Variants in WWOX observed in about 807,000 individuals in gnomAD.
The protein encoded by WWOX is WW domain-containing oxidoreductase.
WWOX carries 69 observed loss-of-function variants against 46.2 expected under a neutral mutation model. The observed-to-expected ratio is 1.49, with a 90% CI of 1.23 to 1.82. The LOEUF (loss-of-function observed/expected upper bound fraction) is 1.82, where lower values mean the gene tolerates loss of function less well. Ranked by LOEUF, WWOX falls within the 40% of genes most tolerant of loss-of-function variation. The probability of loss-of-function intolerance (pLI) is 0.00; values close to 1 mark genes in which losing one functional copy is unlikely to be tolerated. For missense variants in WWOX, 919 were observed against 542.6 expected (o/e 1.69, Z -6.89); for synonymous variants, 359 against 202.6 (o/e 1.77, Z -6.56).
intron 5 of WWOX, among the ~76,000 whole-genome samples, chr16:78,243,801 C>T (rs930838801): frequency 6.6e-6 from 1 of 152,222 alleles, no homozygotes; most frequent in African/African-American, 2.4e-5. Context: ...CCTGCCTCGG[C>T]CTCCCAAGGT....
intron 8 of WWOX, among the ~76,000 whole-genome samples, chr16:78,594,637 G>A (rs1274844683): frequency 6.6e-6 from 1 of 152,082 alleles, no homozygotes; most frequent in African/African-American, 2.4e-5. Flanking sequence ...GATAGCCCCA[G>A]TGCAGTGGCT....
At chr16:78,118,143 C>G (rs987694460) in intron 4 of WWOX, among the ~76,000 whole-genome samples, 2 of 151,444 alleles carry the variant, frequency 1.3e-5, no homozygotes, top group African/African-American at 4.9e-5. Context: ...CCTTGATAGA[C>G]TTTAGGGTTG....
chr16:78,634,445 T>C (rs1271429867), intron 8 of WWOX, among the ~76,000 whole-genome samples: 1 of 152,116 alleles, frequency 6.6e-6, no homozygotes. Context: ...CAGTGGCTCA[T>C]GCCTGTAATC....
chr16:78,121,111 T>G (rs2033072861), intron 4 of WWOX, among the ~76,000 whole-genome samples: 1 of 152,202 alleles, frequency 6.6e-6, no homozygotes, highest in Admixed American at 6.5e-5. Context: ...AAATGCCTGA[T>G]TAGTTTCCTT....
chr16:78,374,146 T>G (rs1227308852), intron 5 of WWOX, among the ~76,000 whole-genome samples: 1 of 152,236 alleles, frequency 6.6e-6, no homozygotes, highest in Non-Finnish European at 1.5e-5. Context: ...CATACATCAT[T>G]TTTTCTCCCT....
At chr16:78,921,417 A>G (rs1018878130) in intron 8 of WWOX, among the ~76,000 whole-genome samples, 1 of 152,240 alleles carries the variant, frequency 6.6e-6, no homozygotes, top group Non-Finnish European at 1.5e-5. Context: ...AGGAGAGTAG[A>G]TAGAATCCTG....
intron 8 of WWOX, among the ~76,000 whole-genome samples, chr16:78,943,542 G>A (rs2045893302): frequency 6.6e-6 from 1 of 152,168 alleles, no homozygotes; most frequent in Non-Finnish European, 1.5e-5. Context: ...GAGCAGCCTT[G>A]CTCTTGCAGT....
intron 8 of WWOX, among the ~76,000 whole-genome samples, chr16:78,529,396 A>C (rs985042663): frequency 6.6e-6 from 1 of 151,242 alleles, no homozygotes; most frequent in Non-Finnish European, 1.5e-5. Context: ...GTTTTGTTCT[A>C]TTTTCTGGTT....
intron 8 of WWOX, among the ~76,000 whole-genome samples, chr16:78,789,355 C>T (rs1311594662): frequency 6.6e-6 from 1 of 152,102 alleles, no homozygotes; most frequent in Admixed American, 6.5e-5. Flanking sequence ...CAACTTTGTT[C>T]TTTTGAATGT....
At chr16:78,478,782 C>G (rs1210379319) in intron 8 of WWOX, among the ~76,000 whole-genome samples, 1 of 152,170 alleles carries the variant, frequency 6.6e-6, no homozygotes, top group South Asian at 2.1e-4. Context: ...AACTAGACAG[C>G]TGGTTCTGGT....
chr16:78,464,422 G>A (rs1464286987), intron 8 of WWOX, among the ~76,000 whole-genome samples: 2 of 152,096 alleles, frequency 1.3e-5, no homozygotes, highest in Non-Finnish European at 2.9e-5. Flanking sequence ...AAAAGTTAAT[G>A]CTCCGTTTCT....
intron 6 of WWOX, among the ~76,000 whole-genome samples, chr16:78,388,750 A>C (rs1266060429): frequency 2.6e-5 from 4 of 151,040 alleles, no homozygotes; most frequent in Non-Finnish European, 2.9e-5. Context: ...TGGGCGGATC[A>C]CCTGAAGTCA....
intron 8 of WWOX, among the ~76,000 whole-genome samples, chr16:79,147,016 CA>C (rs1567581465): frequency 6.6e-6 from 1 of 152,132 alleles, no homozygotes; most frequent in African/African-American, 2.4e-5. Flanking sequence ...ATAGCTTTTG[CA>C]AAACAATTGT....
intron 8 of WWOX, among the ~76,000 whole-genome samples, chr16:78,475,934 T>A (rs2151439814): frequency 6.6e-6 from 1 of 152,328 alleles, no homozygotes; most frequent in East Asian, 1.9e-4. Flanking sequence ...AATGTGTCTC[T>A]TATTAATTTA....
At chr16:78,835,213 C>A (rs1342310461) in intron 8 of WWOX, among the ~76,000 whole-genome samples, 1 of 152,050 alleles carries the variant, frequency 6.6e-6, no homozygotes, top group African/African-American at 2.4e-5. Context: ...GCCTTCTTAC[C>A]ACCTAGAAAA....
chr16:79,055,256 C>G (rs1292466614), intron 8 of WWOX, among the ~76,000 whole-genome samples: 1 of 150,702 alleles, frequency 6.6e-6, no homozygotes, highest in African/African-American at 2.5e-5. Flanking sequence ...GCCAGCCTTT[C>G]TAATTAACAT....
At chr16:78,438,437 C>A (rs999249819) in intron 8 of WWOX, among the ~76,000 whole-genome samples, 2 of 149,946 alleles carry the variant, frequency 1.3e-5, no homozygotes, top group Admixed American at 1.3e-4. Context: ...GAAATGAATG[C>A]TGCCACCACC....
At chr16:78,344,711 G>A (rs1396882150) in intron 5 of WWOX, among the ~76,000 whole-genome samples, 1 of 121,876 alleles carries the variant, frequency 8.2e-6, no homozygotes, top group African/African-American at 2.8e-5. Flanking sequence ...GGAAGGAATT[G>A]ACTGAAAAGA....
rs944301490 is a variant in WWOX at position 78,642,543 on chromosome 16, G to A, written c.1056+209791G>A. ...ACAGTCCTCAGTTATTTGTTCCTGTGATTTTCGCGCCACCAGGAGCCACTT... is the reference window on the plus strand; with the variant it reads ...ACAGTCCTCAGTTATTTGTTCCTGTAATTTTCGCGCCACCAGGAGCCACTT... On this transcript the variant is annotated intron_variant, in intron 8 of 8. Transcript: ENST00000566780. Among the ~76,000 whole-genome samples the A allele has an allele frequency of 2.6e-5, 4 of 152,122 alleles. No individual in the cohort carries two copies. In the East Asian group the frequency reaches 7.7e-4, roughly 29 times the overall value.
Sources: allele counts gnomAD v4.1 joint callset (sites outside exome capture counted in the v4.1 genomes callset), GRCh38; gene constraint gnomAD v4.1.1; transcripts MANE v1.5; gene names NCBI Gene and HGNC (gene_info 2026-07-23, HGNC 2026-07-21).